The following SLCO6A1 variants were observed in gnomAD, a reference collection of about 807,000 sequenced individuals.
SLCO6A1 encodes the protein solute carrier organic anion transporter family member 6A1.
SLCO6A1 carries 65 observed loss-of-function variants against 72.7 expected under a neutral mutation model. The ratio of observed to expected loss-of-function variants is 0.89; its 90% CI spans 0.73 to 1.10. The LOEUF (loss-of-function observed/expected upper bound fraction) is 1.10, where lower values mean the gene tolerates loss of function less well. Ranked by LOEUF, SLCO6A1 falls within the 50% of genes least tolerant of loss-of-function variation. The pLI is 0.00. For synonymous variants in SLCO6A1, 314 were observed against 298.2 expected, an observed-to-expected ratio of 1.05 and a Z score of -0.55; for missense variants, 874 against 872.6, an observed-to-expected ratio of 1.00 and a Z score of -0.02.
chr5:102,488,355 C>T (rs1752531092), intron 1 of SLCO6A1, among the ~76,000 whole-genome samples: 1 of 152,118 alleles, frequency 6.6e-6, no homozygotes, highest in Non-Finnish European at 1.5e-5. Flanking sequence ...ATATACAATT[C>T]TCCTCGATTT....
At position 102,480,955 on chromosome 5, in the gene SLCO6A1, A is replaced by G. The variant is rs181853869; in HGVS notation, c.359-521T>C. 3.1e-3 allele frequency among the ~76,000 whole-genome samples: 472 copies of G among 152,238 alleles called. 3 individuals carry two copies. The highest frequency in any genetic ancestry group is 6.8e-3 in the South Asian group (33 of 4,824). ...ATACATATGTCCTTAGACAATATCA[A>G]GTATTGTTTTTCATGTTCCTGAATG... On this transcript the variant is annotated intron_variant, in intron 1 of 13. Transcript: ENST00000506729.
At chr5:102,451,841 G>A (rs1750435251) in intron 6 of SLCO6A1, among the ~76,000 whole-genome samples, 1 of 152,148 alleles carries the variant, frequency 6.6e-6, no homozygotes, top group Non-Finnish European at 1.5e-5. Context: ...CTCCATGACA[G>A]CAGCACACAC....
rs181218070 is a variant in SLCO6A1 at position 102,470,074 on chromosome 5, G to C, written c.899+5623C>G. 5.9e-4 allele frequency among the ~76,000 whole-genome samples: 90 copies of C among 152,214 alleles called. 2 individuals are homozygous for C. In the East Asian group the frequency reaches 0.016, roughly 27 times the overall value. On this transcript the variant is annotated intron_variant, in intron 4 of 13. Transcript: ENST00000506729. Reference sequence around the variant, plus strand: ...TTCAGTTTGCCAGTATTTTATTGAGGATTTTCGCATCGATGTTCATCAGGG... The same window carrying C: ...TTCAGTTTGCCAGTATTTTATTGAGCATTTTCGCATCGATGTTCATCAGGG...
At chr5:102,489,298 G>T (rs866003837) in intron 1 of SLCO6A1, among the ~76,000 whole-genome samples, 2 of 152,096 alleles carry the variant, frequency 1.3e-5, no homozygotes, top group African/African-American at 4.8e-5. Context: ...CATCGCATAC[G>T]TTACCCTCAG....
intron 3 of SLCO6A1, among the ~76,000 whole-genome samples, chr5:102,476,768 A>C (rs1309273268): frequency 6.6e-6 from 1 of 152,080 alleles, no homozygotes; most frequent in Non-Finnish European, 1.5e-5. Context: ...CTCTAGCAAG[A>C]TGATACTTTA....
rs1407001010 is a variant in SLCO6A1, at chr5:102,419,858, C to A, written c.1440G>T (p.Val480=). 6.3e-7 allele frequency: 1 copy of A among 1,599,456 alleles called. No individual in the cohort carries two copies. The change falls in exon 8 of 14, where the codon GTG becomes GTT. Residue 480 remains valine (V), a synonymous_variant. Transcript: ENST00000506729. ...VFIIFVRCNP[V]QFAGINEDYD... The stretch of plus-strand genomic sequence containing the variant: ...AATCTTCATTGATCCCAGCAAATTG[C>A]ACTGGATTACAGCGTACAAAAATAA...
At chr5:102,379,338 T>C (rs948573558) in intron 12 of SLCO6A1, among the ~76,000 whole-genome samples, 1 of 152,194 alleles carries the variant, frequency 6.6e-6, no homozygotes, top group African/African-American at 2.4e-5. Context: ...CCTGTTTATG[T>C]TCTTCCTACT....
Position 102,389,458 on chromosome 5 carries a change from A to AC in SLCO6A1, c.1880-634dup, listed in dbSNP as rs1411471214. On this transcript the variant is annotated intron_variant, in intron 11 of 13. Transcript: ENST00000506729. ...GTCACACACCCCGCCCCCCACCCCCACACACACAGAGTTGCCCCCAAACAC... is the reference window on the plus strand; with the variant it reads ...GTCACACACCCCGCCCCCCACCCCCACCACACACAGAGTTGCCCCCAAACAC... Among the ~76,000 whole-genome samples, 7 of 33,810 alleles carry AC rather than the reference A, an allele frequency of 2.1e-4. 1 individual carries two copies. The highest frequency in any genetic ancestry group is 7.8e-4 in the African/African-American group (6 of 7,644). The allele number at this position is 33,810 out of a possible 152,430, so 22.2% of individuals were successfully genotyped here. A position where few individuals can be genotyped will look rare whatever the true frequency, so the allele number is the denominator to read the frequency against.
At chr5:102,391,274 G>A (rs1405709869) in intron 10 of SLCO6A1, 4 of 466,102 alleles carry the variant, frequency 8.6e-6, no homozygotes, top group Non-Finnish European at 1.2e-5. Context: ...TCCCAAAGAA[G>A]AAGGTTTTTA....
chr5:102,397,891 C>T (rs574821866), intron 10 of SLCO6A1, among the ~76,000 whole-genome samples: 3 of 152,056 alleles, frequency 2.0e-5, no homozygotes, highest in Non-Finnish European at 2.9e-5. Flanking sequence ...GTGTTTTATT[C>T]TCTTTATCTC....
intron 12 of SLCO6A1, among the ~76,000 whole-genome samples, chr5:102,374,140 C>T (rs1419453989): frequency 4.6e-5 from 7 of 151,694 alleles, no homozygotes; most frequent in Non-Finnish European, 7.4e-5. Flanking sequence ...CCGGCTCAAG[C>T]GATCCTCCCA....
At chr5:102,406,092 C>T (rs1184729942) in intron 9 of SLCO6A1, among the ~76,000 whole-genome samples, 1 of 151,764 alleles carries the variant, frequency 6.6e-6, no homozygotes, top group Non-Finnish European at 1.5e-5. Context: ...GTATTCAATT[C>T]CAATAATAAA....
Position 102,458,466 on chromosome 5 carries a change from T to C in SLCO6A1, c.1047A>G (p.Lys349=), listed in dbSNP as rs1750856895. Residue 349 remains lysine (K), a synonymous_variant, in exon 6 of 14, where the codon AAA becomes AAG. Transcript: ENST00000506729. The stretch of plus-strand genomic sequence containing the variant: ...TGTCAAAAAAATGAAGCTGTTTACG[T>C]TTCCTAGCTTTTATCCGTGTTGAAC... The part of the protein sequence containing the change: ...MPGSTRIKAR[K]RKQLHFFDSR... 1 of 1,612,670 alleles carries C rather than the reference T, an allele frequency of 6.2e-7. No individual in the cohort carries two copies.
intron 2 of SLCO6A1, 118 bp from the exon 3 acceptor site, chr5:102,477,979 GTTAACAT>G: frequency 2.1e-6 from 2 of 939,568 alleles, no homozygotes; most frequent in South Asian, 3.5e-5. Context: ...TTTTCTTTTA[GTTAACAT>G]TTCATTTACA....
intron 10 of SLCO6A1, 182 bp from the exon 11 acceptor site, chr5:102,391,227 C>T (rs753626360): frequency 2.9e-5 from 17 of 580,096 alleles, no homozygotes; most frequent in Non-Finnish European, 4.6e-5. Context: ...TCTCCATATC[C>T]TGCCCCTTGC....
chr5:102,484,325 T>C (rs557281683), intron 1 of SLCO6A1, among the ~76,000 whole-genome samples: 3 of 152,264 alleles, frequency 2.0e-5, no homozygotes, highest in Admixed American at 1.3e-4. Flanking sequence ...TTTCTCCTGG[T>C]TCAATGACCG....
intron 12 of SLCO6A1, among the ~76,000 whole-genome samples, chr5:102,381,769 T>C (rs1746122992): frequency 6.8e-6 from 1 of 146,692 alleles, no homozygotes; most frequent in African/African-American, 2.5e-5. Flanking sequence ...TTCTAACAGA[T>C]GTGAGGTGAT....
chr5:102,469,676 C>A (rs1255032116), intron 4 of SLCO6A1, among the ~76,000 whole-genome samples: 2 of 152,092 alleles, frequency 1.3e-5, no homozygotes, highest in Non-Finnish European at 2.9e-5. Flanking sequence ...ATTGCCCTGG[C>A]CAGAACTTCC....
At chr5:102,483,256 T>C (rs1752296461) in intron 1 of SLCO6A1, among the ~76,000 whole-genome samples, 2 of 152,182 alleles carry the variant, frequency 1.3e-5, no homozygotes, top group Non-Finnish European at 2.9e-5. Flanking sequence ...AATTACCAAA[T>C]GGTCAAACCA....
Sources: gnomAD v4.1 joint callset for allele counts (sites outside exome capture counted in the v4.1 genomes callset) on GRCh38, gnomAD v4.1.1 for gene constraint, MANE v1.5 for transcripts, NCBI Gene and HGNC (gene_info 2026-07-23, HGNC 2026-07-21) for gene names.